Variants in SPON2 observed in about 807,000 individuals in gnomAD.
The protein encoded by SPON2 is spondin-2.
A neutral mutation model predicts 29.9 loss-of-function variants in SPON2; 32 were observed. The ratio of observed to expected loss-of-function variants is 1.07; its 90% CI spans 0.81 to 1.44. SPON2 has a LOEUF of 1.44. SPON2 is among the 40% of genes most tolerant of loss of function. The pLI, the probability that SPON2 is intolerant of heterozygous loss-of-function variation, is 0.00. For missense variants in SPON2, 541 were observed against 455.5 expected, an observed-to-expected ratio of 1.19 and a Z score of -1.71; for synonymous variants, 248 against 209.1, an observed-to-expected ratio of 1.19 and a Z score of -1.61.
upstream of SPON2, among the ~76,000 whole-genome samples, chr4:1,174,261 C>T (rs766722160): frequency 2.7e-5 from 4 of 150,510 alleles, no homozygotes; most frequent in Admixed American, 6.6e-5. Flanking sequence ...CCAGGGCGGG[C>T]GGATCACTTG....
rs974676835 is a variant in SPON2 at position 1,167,232 on chromosome 4, G to T, written c.*240C>A. On this transcript the variant is annotated 3_prime_UTR_variant, in exon 6 of 6. Coordinates refer to ENST00000290902, the MANE Select transcript of SPON2 (RefSeq NM_012445.4). ...CTTTATCCTGCAGGAGGAGGAGGCT[G>T]AGAGCAGACGGGACACGGGGGCCCC... 1 of 490,062 alleles carries T rather than the reference G, an allele frequency of 2.0e-6. No homozygotes were observed. Among genetic ancestry groups the T allele is most frequent in the African/African-American group, 2.0e-5 (1 of 51,220 alleles). The allele number at this position is 490,062 out of a possible 1,614,324, so 30.4% of individuals were successfully genotyped here.
intron 1 of SPON2, chr4:1,201,220 G>A (rs1015981877): frequency 4.7e-6 from 2 of 429,710 alleles, no homozygotes; most frequent in African/African-American, 4.0e-5. Flanking sequence ...GTGACAAAGA[G>A]GGGGTGGGTC....
chr4:1,202,329 A>G lies in SPON2; in HGVS notation c.-234+5551T>C, dbSNP rs1728232056. ...GTGAGTGGATCAAACACCTCCCATCAGTCCCCACCTCCCGGCACTCCACGG... is the reference window on the plus strand; with the variant it reads ...GTGAGTGGATCAAACACCTCCCATCGGTCCCCACCTCCCGGCACTCCACGG... On this transcript the variant is annotated intron_variant, in intron 1 of 3. Coordinates refer to the SPON2 transcript ENST00000509233. This position sits in a 1 kb window ranked among gnomAD's most constrained non-coding sequence, Gnocchi z 5.4. 6.6e-6 allele frequency among the ~76,000 whole-genome samples: 1 copy of G among 152,150 alleles called. No individual in the cohort carries two copies. Among genetic ancestry groups the G allele is most frequent in the East Asian group, 1.9e-4 (1 of 5,176 alleles).
intron 1 of SPON2, 48 bp downstream of exon 1, chr4:1,172,496 A>T (rs1422713678): frequency 4.4e-6 from 1 of 226,854 alleles, no homozygotes; most frequent in African/African-American, 2.4e-5. Flanking sequence ...GGGAAAGTGC[A>T]GGAGGCCCGG....
chr4:1,190,476 C>T (rs992308755), intron 1 of SPON2, among the ~76,000 whole-genome samples: 1 of 152,104 alleles, frequency 6.6e-6, no homozygotes, highest in Non-Finnish European at 1.5e-5. Flanking sequence ...TAGACAAAAT[C>T]GTCACACAAA....
At chr4:1,200,306 G>A (rs1239432657) in intron 1 of SPON2, among the ~76,000 whole-genome samples, 1 of 152,196 alleles carries the variant, frequency 6.6e-6, no homozygotes, top group Non-Finnish European at 1.5e-5. Flanking sequence ...AGTTGAGAAG[G>A]CGTCCAGCCT....
chr4:1,173,063 G>A (rs947147947), upstream of SPON2: 1 of 151,956 alleles, frequency 6.6e-6, no homozygotes, highest in Non-Finnish European at 1.5e-5. Flanking sequence ...TGGGGGCAGA[G>A]GGGCTCTTGT....
chr4:1,203,332 T>A (rs1007890039), intron 1 of SPON2, among the ~76,000 whole-genome samples: 3 of 152,224 alleles, frequency 2.0e-5, no homozygotes, highest in Admixed American at 6.5e-5. Flanking sequence ...ATTCCAGACA[T>A]TTGACATAAA....
At chr4:1,205,702 G>A (rs536598457) in intron 1 of SPON2, among the ~76,000 whole-genome samples, 67 of 152,262 alleles carry the variant, frequency 4.4e-4, no homozygotes, top group African/African-American at 1.5e-3. Context: ...AGATGCTGGC[G>A]TCACCACGGC....
In SPON2 at chr4:1,200,792, C is replaced by A. The variant is rs536324523; in HGVS notation, c.-234+7088G>T. 537 of 456,610 alleles carry A rather than the reference C, an allele frequency of 1.2e-3. 8 individuals carry two copies. The highest frequency in any genetic ancestry group is 8.1e-3 in the South Asian group (520 of 64,546). 28.3% of individuals were successfully genotyped at this position (456,610 alleles called of 1,614,324 possible). ...AGCCCCCCACCCCTCTGGTCCCTGC[C>A]TTTGCTGTGAGCAAGTGGAGAAAGC... On this transcript the variant is annotated intron_variant, in intron 1 of 3. Coordinates refer to the SPON2 transcript ENST00000509233.
chr4:1,200,932 C>T (rs551281891), intron 1 of SPON2: 19 of 456,642 alleles, frequency 4.2e-5, no homozygotes, highest in African/African-American at 1.2e-4. Context: ...TGGGCACCCC[C>T]GTGCCCTCCT....
At position 1,202,385 on chromosome 4, in the gene SPON2, C is replaced by T. The variant is rs1415801754; in HGVS notation, c.-234+5495G>A. Among the ~76,000 whole-genome samples the T allele has an allele frequency of 2.6e-5, 4 of 152,212 alleles. No individual in the cohort carries two copies. The highest frequency in any genetic ancestry group is 1.9e-4 in the East Asian group (1 of 5,190). ...AAGTTTCAGCCTGAGCTTTAGAGGA[C>T]GGAAACGTTCCAACCACGGCACTGC... On this transcript the variant is annotated intron_variant, in intron 1 of 3. Transcript: ENST00000509233. The surrounding 1 kb of genome is among the most constrained non-coding windows in gnomAD (Gnocchi z 5.4).
upstream of SPON2, among the ~76,000 whole-genome samples, chr4:1,176,644 C>A (rs1727605520): frequency 6.6e-6 from 1 of 152,106 alleles, no homozygotes; most frequent in Admixed American, 6.5e-5. Flanking sequence ...ACAGTACATT[C>A]ATTCACTAAT....
At chr4:1,197,709 GAAATA>G (rs1466740442), upstream of SPON2, among the ~76,000 whole-genome samples, 1 of 151,960 alleles carries the variant, frequency 6.6e-6, no homozygotes, top group Non-Finnish European at 1.5e-5. Context: ...TTTTCTGAAA[GAAATA>G]AAATAAAATC....
chr4:1,175,777 G>A (rs1333820601), upstream of SPON2, among the ~76,000 whole-genome samples: 4 of 152,260 alleles, frequency 2.6e-5, no homozygotes, highest in African/African-American at 7.2e-5. Context: ...ATGTAGGGCA[G>A]TGGTGGGCCT....
chr4:1,193,369 G>A (rs1213667459), intron 1 of SPON2, among the ~76,000 whole-genome samples: 1 of 151,742 alleles, frequency 6.6e-6, no homozygotes, highest in Non-Finnish European at 1.5e-5. Flanking sequence ...TATCTGTCCT[G>A]GGGGAGTCCA....
chr4:1,168,735 C>T (rs1329171668), intron 5 of SPON2, among the ~76,000 whole-genome samples: 1 of 152,220 alleles, frequency 6.6e-6, no homozygotes, highest in African/African-American at 2.4e-5. Context: ...TGAGCACTGG[C>T]AGTGCCTGTT....
At chr4:1,200,667 G>A (rs1576999540) in intron 1 of SPON2, 1 of 375,624 alleles carries the variant, frequency 2.7e-6, no homozygotes, top group Non-Finnish European at 5.4e-6. Context: ...GGCAGCCACT[G>A]CAGGCCAGGT....
At chr4:1,174,318 C>G (rs1727545455), upstream of SPON2, among the ~76,000 whole-genome samples, 1 of 152,034 alleles carries the variant, frequency 6.6e-6, no homozygotes, top group African/African-American at 2.4e-5. Flanking sequence ...GAAGCCCCAT[C>G]TGTACTAAAA....
Sources: gnomAD v4.1 joint callset for allele counts (sites outside exome capture counted in the v4.1 genomes callset) on GRCh38, gnomAD v4.1.1 for gene constraint, Gnocchi (gnomAD v3.1) non-coding constraint, MANE v1.5 for transcripts, NCBI Gene and HGNC (gene_info 2026-07-23, HGNC 2026-07-21) for gene names.